Variants in MGAT5 observed in about 807,000 individuals in gnomAD.
MGAT5 encodes alpha-1,6-mannosylglycoprotein 6-beta-N-acetylglucosaminyltransferase A.
Under a neutral mutation model 94.3 loss-of-function variants are expected in MGAT5, and 30 were observed. That is an observed-to-expected ratio of 0.32 (90% CI 0.24 to 0.43). MGAT5 has a LOEUF of 0.43. Ranked by LOEUF, MGAT5 falls within the 20% of genes least tolerant of loss-of-function variation. The probability of loss-of-function intolerance (pLI) is 1.00; values close to 1 mark genes in which losing one functional copy is unlikely to be tolerated. For synonymous variants in MGAT5, 310 were observed against 322.9 expected, an observed-to-expected ratio of 0.96 and a Z score of 0.43; for missense variants, 691 against 905.5, an observed-to-expected ratio of 0.76 and a Z score of 3.04.
At chr2:134,398,820 C>T (rs1682864645) in intron 10 of MGAT5, among the ~76,000 whole-genome samples, 1 of 152,126 alleles carries the variant, frequency 6.6e-6, no homozygotes, top group African/African-American at 2.4e-5. Flanking sequence ...ATAAGCAAGT[C>T]ACAGATGTCG....
At chr2:134,236,312 G>A (rs1383578378) in intron 1 of MGAT5, among the ~76,000 whole-genome samples, 1 of 152,086 alleles carries the variant, frequency 6.6e-6, no homozygotes, top group African/African-American at 2.4e-5. Flanking sequence ...AGATATGAAG[G>A]GATGAGACCC....
chr2:134,283,426 C>T (rs936046734), intron 2 of MGAT5, among the ~76,000 whole-genome samples: 7 of 151,982 alleles, frequency 4.6e-5, no homozygotes. Flanking sequence ...TAAGGAGCCT[C>T]GAAAATTATG....
intron 14 of MGAT5, 98 bp from the exon 15 acceptor site, chr2:134,441,660 T>C: frequency 7.1e-7 from 1 of 1,410,456 alleles, no homozygotes; most frequent in Non-Finnish European, 9.7e-7. Flanking sequence ...CCCTGTGCTC[T>C]CCCAGTGTGC....
At chr2:134,121,295 G>T (rs112917397) in intron 1 of MGAT5, among the ~76,000 whole-genome samples, 1 of 152,216 alleles carries the variant, frequency 6.6e-6, no homozygotes, top group Non-Finnish European at 1.5e-5. Flanking sequence ...GTGGACCCGC[G>T]CGCGGTGCGC....
chr2:134,202,391 A>G (rs895758897), intron 1 of MGAT5, among the ~76,000 whole-genome samples: 22 of 152,230 alleles, frequency 1.4e-4, no homozygotes, highest in Admixed American at 3.9e-4. Flanking sequence ...ACAGCTAGAA[A>G]TGGCATCTAT....
chr2:134,313,017 G>A (rs1686775017), intron 2 of MGAT5, among the ~76,000 whole-genome samples: 1 of 147,080 alleles, frequency 6.8e-6, no homozygotes, highest in African/African-American at 2.6e-5. Context: ...TTGCTCTGAG[G>A]CCACAGACAG....
intron 1 of MGAT5, among the ~76,000 whole-genome samples, chr2:134,133,437 T>A (rs1214428381): frequency 2.6e-5 from 4 of 152,206 alleles, no homozygotes; most frequent in Non-Finnish European, 4.4e-5. Context: ...GGATATGTCT[T>A]TGTAGAATCT....
intron 1 of MGAT5, among the ~76,000 whole-genome samples, chr2:134,160,873 T>C (rs561626075): frequency 3.3e-5 from 5 of 152,230 alleles, no homozygotes; most frequent in Non-Finnish European, 7.3e-5. Context: ...GGCTGGCTAG[T>C]GAGCATTGGG....
intron 4 of MGAT5, among the ~76,000 whole-genome samples, chr2:134,324,838 T>G (rs1435937673): frequency 2.0e-5 from 3 of 152,078 alleles, no homozygotes; most frequent in Non-Finnish European, 2.9e-5. Context: ...CCATTTGAAA[T>G]GGGAAATTCC....
intron 10 of MGAT5, among the ~76,000 whole-genome samples, chr2:134,377,283 T>TG (rs1681244101): frequency 6.6e-6 from 1 of 152,226 alleles, no homozygotes; most frequent in South Asian, 2.1e-4. Flanking sequence ...TGCATTGGCT[T>TG]GCCACCATAG....
chr2:134,155,104 C>T (rs1203945149), intron 1 of MGAT5, among the ~76,000 whole-genome samples: 4 of 152,198 alleles, frequency 2.6e-5, no homozygotes, highest in Non-Finnish European at 1.5e-5. Context: ...GGTTAGGACG[C>T]GCAAACTTTG....
chr2:134,214,681 AG>A (rs1680376519), intron 1 of MGAT5, among the ~76,000 whole-genome samples: 1 of 152,262 alleles, frequency 6.6e-6, no homozygotes, highest in East Asian at 1.9e-4. Context: ...GAAATTATGA[AG>A]GCCTTAGGGA....
At chr2:134,173,788 A>G (rs1688332840) in intron 1 of MGAT5, among the ~76,000 whole-genome samples, 2 of 152,222 alleles carry the variant, frequency 1.3e-5, no homozygotes, top group South Asian at 2.1e-4. Flanking sequence ...TGCCATTGAC[A>G]TTTATAACTC....
At chr2:134,353,001 CA>C (rs1399770759) in intron 9 of MGAT5, among the ~76,000 whole-genome samples, 1 of 152,046 alleles carries the variant, frequency 6.6e-6, no homozygotes, top group Non-Finnish European at 1.5e-5. Flanking sequence ...CTAAGGTAGT[CA>C]AAATCATAGA....
chr2:134,293,077 A>T (rs533869756), intron 2 of MGAT5, among the ~76,000 whole-genome samples: 2 of 152,314 alleles, frequency 1.3e-5, no homozygotes, highest in East Asian at 3.9e-4. Flanking sequence ...CATGAAAGGC[A>T]CCTTCACACA....
At chr2:134,207,624 G>A (rs1168523945) in intron 1 of MGAT5, among the ~76,000 whole-genome samples, 3 of 151,874 alleles carry the variant, frequency 2.0e-5, no homozygotes, top group African/African-American at 7.3e-5. Flanking sequence ...GATACTGATC[G>A]TTTACTTCTG....
At chr2:134,405,344 T>C (rs1683273017) in intron 11 of MGAT5, among the ~76,000 whole-genome samples, 1 of 152,198 alleles carries the variant, frequency 6.6e-6, no homozygotes, top group Non-Finnish European at 1.5e-5. Context: ...GCCTGCTCCT[T>C]GAGTAGAGTA....
chr2:134,318,876 C>G (rs1687162181), intron 4 of MGAT5, 137 bp downstream of exon 4: 2 of 530,394 alleles, frequency 3.8e-6, no homozygotes, highest in Non-Finnish European at 6.9e-6. Flanking sequence ...TCATTACTCT[C>G]CCTACCTCTC....
chr2:134,301,377 C>A (rs76944876), intron 2 of MGAT5, among the ~76,000 whole-genome samples: 2,643 of 152,224 alleles, frequency 0.017, 86 homozygotes, highest in African/African-American at 0.06. Context: ...TTCTATTGCT[C>A]TGAAGTTACT....
Sources: allele counts gnomAD v4.1 joint callset (sites outside exome capture counted in the v4.1 genomes callset), GRCh38; gene constraint gnomAD v4.1.1; transcripts MANE v1.5; gene names NCBI Gene and HGNC (gene_info 2026-07-23, HGNC 2026-07-21).